The following MYH15 variants were observed in gnomAD, a reference collection of about 807,000 sequenced individuals.
MYH15 encodes the protein myosin-15.
A neutral mutation model predicts 240.5 loss-of-function variants in MYH15; 227 were observed. The ratio of observed to expected loss-of-function variants is 0.94; its 90% CI spans 0.85 to 1.05. The LOEUF is 1.05. Among genes scored for constraint, MYH15 ranks in the 50% least tolerant of loss-of-function variants. The pLI is 0.00. For synonymous variants in MYH15, 785 were observed against 796.7 expected, an observed-to-expected ratio of 0.99 and a Z score of 0.25; for missense variants, 2,217 against 2,247.5, an observed-to-expected ratio of 0.99 and a Z score of 0.27.
In MYH15 at chr3:108,381,560, C is replaced by G. The variant is rs751077974; in HGVS notation, c.5767-1G>C. The G allele has an allele frequency of 2.5e-6, 4 of 1,613,750 alleles. No homozygotes were observed. The highest frequency in any genetic ancestry group is 3.4e-6 in the Non-Finnish European group (4 of 1,179,700). Reference sequence around the variant, plus strand: ...GCAGGGGATGCTATTCTTCTTGAACCTGAAAAACAGAATGTCAGTGTGTTC... The same window carrying G: ...GCAGGGGATGCTATTCTTCTTGAACGTGAAAAACAGAATGTCAGTGTGTTC... On this transcript the variant is annotated splice_acceptor_variant, in intron 40 of 40. Coordinates refer to ENST00000693548, the MANE Select transcript of MYH15 (RefSeq NM_014981.3). LOFTEE classifies it high-confidence loss of function.
intron 33 of MYH15, among the ~76,000 whole-genome samples, chr3:108,402,004 G>T (rs2082509304): frequency 6.6e-6 from 1 of 152,166 alleles, no homozygotes; most frequent in Non-Finnish European, 1.5e-5. Flanking sequence ...CAAGATGATA[G>T]AACTTGGAAG....
At chr3:108,541,934 T>C in the MYH15 span, among the ~76,000 whole-genome samples, 2 of 152,078 alleles carry the variant, frequency 1.3e-5, no homozygotes, top group African/African-American at 4.8e-5. Flanking sequence ...AATATATAAA[T>C]ATAGGTATAC....
intron 27 of MYH15, among the ~76,000 whole-genome samples, chr3:108,424,098 G>C (rs2082707661): frequency 6.6e-6 from 1 of 152,202 alleles, no homozygotes; most frequent in South Asian, 2.1e-4. Flanking sequence ...GGGTGAAAAA[G>C]CACGGATCTC....
rs760289290 is a variant in MYH15, at chr3:108,410,855, C to G, written c.4223G>C (p.Arg1408Thr). The G allele has an allele frequency of 3.1e-6, 5 of 1,613,794 alleles. No individual in the cohort carries two copies. Among genetic ancestry groups the G allele is most frequent in the South Asian group, 2.2e-5 (2 of 91,086 alleles). ...VANARNASLERARHQLQLELG... is the reference protein window; with the variant it reads ...VANARNASLETARHQLQLELG... The stretch of plus-strand genomic sequence containing the variant: ...CTCCAGCTGCAGCTGGTGCCTGGCT[C>G]TCTCCAAGGAGGCATTTCTGGCATT... The change falls in exon 31 of 41, where the codon AGA becomes ACA. Residue 1408 changes from arginine to threonine, a missense_variant. Coordinates refer to ENST00000693548, the MANE Select transcript of MYH15 (RefSeq NM_014981.3).
chr3:108,477,945 C>T (rs1283798619), intron 11 of MYH15, among the ~76,000 whole-genome samples: 2 of 152,198 alleles, frequency 1.3e-5, no homozygotes, highest in South Asian at 4.2e-4. Context: ...ATTTCAGTTA[C>T]CAACAAAATA....
At chr3:108,443,660 G>T (rs921614757) in intron 22 of MYH15, among the ~76,000 whole-genome samples, 1 of 152,026 alleles carries the variant, frequency 6.6e-6, no homozygotes, top group Non-Finnish European at 1.5e-5. Context: ...ACAGAGGCTT[G>T]AATGCCAAAA....
chr3:108,517,354 C>T lies in MYH15; in HGVS notation c.-57-6767G>A, dbSNP rs147708507. On this transcript the variant is annotated intron_variant, in intron 1 of 41. Transcript: ENST00000273353. ...CTTCTGATTAATTTTTTTTTTGAGA[C>T]GGAATTTTGCTCTTGTTGCCCAGGC... Among the ~76,000 whole-genome samples, 16 of 151,898 alleles carry T rather than the reference C, an allele frequency of 1.1e-4. No homozygotes were observed. The East Asian group carries it at 1.5e-3, about 15-fold the overall frequency.
At chr3:108,524,783 G>T (rs927813712) in intron 1 of MYH15, among the ~76,000 whole-genome samples, 1 of 152,022 alleles carries the variant, frequency 6.6e-6, no homozygotes, top group African/African-American at 2.4e-5. Flanking sequence ...AGTCTGGAAG[G>T]AGTTAATCCA....
chr3:108,478,890 C>T (rs2083242171), intron 11 of MYH15, among the ~76,000 whole-genome samples: 1 of 152,136 alleles, frequency 6.6e-6, no homozygotes, highest in Non-Finnish European at 1.5e-5. Context: ...TTAAGCTTAA[C>T]AGAAATAGCA....
rs540997456 is a variant in MYH15 at position 108,389,032 on chromosome 3, T to C, written c.5473A>G (p.Ser1825Gly). ...EGELEGEIRR[S>G]AEAQRGARRL... Reference sequence around the variant, plus strand: ...CGGGCTCCCCTCTGGGCCTCTGCACTGCGACGGATTTCACCCTCCAGTTCA... The same window carrying C: ...CGGGCTCCCCTCTGGGCCTCTGCACCGCGACGGATTTCACCCTCCAGTTCA... The change falls in exon 38 of 41, where the codon AGT becomes GGT. Residue 1825 changes from serine (S) to glycine (G), a missense_variant. Physicochemically the swap from Ser to Gly is moderately conservative, Grantham distance 56. Coordinates refer to ENST00000693548, the MANE Select transcript of MYH15 (RefSeq NM_014981.3). 1 of 1,613,938 alleles carries C rather than the reference T, an allele frequency of 6.2e-7. No individual in the cohort carries two copies. Among genetic ancestry groups the C allele is most frequent in the South Asian group, 1.1e-5 (1 of 91,036 alleles).
intron 4 of MYH15, 113 bp from the exon 5 acceptor site, chr3:108,499,595 A>G: frequency 1.0e-6 from 1 of 1,004,856 alleles, no homozygotes; most frequent in Non-Finnish European, 1.5e-6. Context: ...AAGGGAAAGG[A>G]TTAGCATCAT....
chr3:108,431,382 T>C (rs2082778068), intron 25 of MYH15, among the ~76,000 whole-genome samples: 1 of 152,202 alleles, frequency 6.6e-6, no homozygotes. Context: ...AAGTCTTTGC[T>C]GTGCTGTTCT....
intron 1 of MYH15, among the ~76,000 whole-genome samples, chr3:108,516,575 T>C (rs1228607714): frequency 6.6e-6 from 1 of 152,212 alleles, no homozygotes; most frequent in Non-Finnish European, 1.5e-5. Context: ...AGACAAATGA[T>C]GCTGCTGCTT....
upstream of MYH15, among the ~76,000 whole-genome samples, chr3:108,514,273 G>C (rs1011961658): frequency 6.6e-6 from 1 of 152,172 alleles, no homozygotes; most frequent in African/African-American, 2.4e-5. Context: ...ACTAGAACAA[G>C]TTGGTCAACC....
At chr3:108,519,184 T>A (rs1240934321) in intron 1 of MYH15, among the ~76,000 whole-genome samples, 2 of 152,192 alleles carry the variant, frequency 1.3e-5, no homozygotes, top group African/African-American at 4.8e-5. Context: ...TTAAAAAGCA[T>A]CACCACTTCA....
intron 27 of MYH15, among the ~76,000 whole-genome samples, chr3:108,427,393 T>C (rs2082732457): frequency 6.6e-6 from 1 of 152,168 alleles, no homozygotes; most frequent in South Asian, 2.1e-4. Context: ...AGGGAGCATC[T>C]GTCCCTTTCC....
chr3:108,417,539 C>T (rs2107552417), intron 28 of MYH15, among the ~76,000 whole-genome samples: 1 of 152,100 alleles, frequency 6.6e-6, no homozygotes, highest in South Asian at 2.1e-4. Context: ...ATTTTATAGA[C>T]TGAAATGCTA....
chr3:108,455,752 C>A lies in MYH15; in HGVS notation c.2246G>T (p.Arg749Leu), dbSNP rs750480643. 2 of 1,613,640 alleles carry A rather than the reference C, an allele frequency of 1.2e-6. No individual in the cohort carries two copies. Among genetic ancestry groups the A allele is most frequent in the East Asian group, 2.2e-5 (1 of 44,868 alleles). Residue 749 changes from arginine (R) to leucine (L), a missense_variant, in exon 20 of 41, where the codon CGA becomes CTA. Physicochemically the swap from Arg to Leu is moderately radical, Grantham distance 102. Coordinates refer to ENST00000693548, the MANE Select transcript of MYH15 (RefSeq NM_014981.3). ...TCTGGTTACCTTAGTGATTCCAAAT[C>A]GGTACTGGGTATGGTCTATCTCCAA... ...GSLEIDHTQYRFGITKVFFKA... is the reference protein window; with the variant it reads ...GSLEIDHTQYLFGITKVFFKA...
chr3:108,451,425 G>A (rs2082972942), intron 21 of MYH15, among the ~76,000 whole-genome samples: 1 of 151,924 alleles, frequency 6.6e-6, no homozygotes, highest in African/African-American at 2.4e-5. Flanking sequence ...TGATCAAATT[G>A]AAAAATTCAA....
Sources: allele counts gnomAD v4.1 joint callset (sites outside exome capture counted in the v4.1 genomes callset), GRCh38; gene constraint gnomAD v4.1.1; transcripts MANE v1.5; gene names NCBI Gene and HGNC (gene_info 2026-07-23, HGNC 2026-07-21).